Variants in EFCAB5 observed in about 807,000 individuals in gnomAD.
EFCAB5 encodes EF-hand calcium-binding domain-containing protein 5.
In EFCAB5, 131 loss-of-function variants were observed where a neutral mutation model predicts 167.9. The ratio of observed to expected loss-of-function variants is 0.78; its 90% CI spans 0.68 to 0.90. The LOEUF (loss-of-function observed/expected upper bound fraction) is 0.90, where lower values mean the gene tolerates loss of function less well. EFCAB5 is among the 40% of genes least tolerant of loss of function. The pLI is 0.00. For synonymous variants in EFCAB5, 574 were observed against 602.8 expected (o/e 0.95, Z 0.70); for missense variants, 1,663 against 1,745.2 (o/e 0.95, Z 0.84).
At position 30,071,148 on chromosome 17, in the gene EFCAB5, A is replaced by C. The variant is rs534128784; in HGVS notation, c.2738-7067A>C. ...AAATTAGACAAGCGGGATTCTATCAAACTTTTAAAAAGCTTCTGCAGTGCA... is the reference window on the plus strand; with the variant it reads ...AAATTAGACAAGCGGGATTCTATCACACTTTTAAAAAGCTTCTGCAGTGCA... On this transcript the variant is annotated intron_variant, in intron 14 of 22. Transcript: ENST00000394835. 1.2e-4 allele frequency among the ~76,000 whole-genome samples: 18 copies of C among 150,536 alleles called. 1 individual carries two copies. In the South Asian group the frequency reaches 3.8e-3, roughly 32 times the overall value.
chr17:30,054,673 C>G (rs2070202687), intron 10 of EFCAB5, among the ~76,000 whole-genome samples: 1 of 152,156 alleles, frequency 6.6e-6, no homozygotes, highest in Non-Finnish European at 1.5e-5. Flanking sequence ...GTTTTGCTTT[C>G]CACAGTTTCA....
chr17:30,090,337 A>G, intron 19 of EFCAB5, 84 bp from the exon 20 acceptor site: 1 of 1,515,380 alleles, frequency 6.6e-7, no homozygotes, highest in Non-Finnish European at 8.9e-7. Context: ...GGTAGGCACA[A>G]GAGAGTAATT....
chr17:30,072,674 A>G (rs562017885), intron 14 of EFCAB5, among the ~76,000 whole-genome samples: 5 of 152,278 alleles, frequency 3.3e-5, no homozygotes, highest in Non-Finnish European at 5.9e-5. Flanking sequence ...CAGGTTATTC[A>G]TCTTTGTCAG....
chr17:29,982,162 G>A (rs2068189771), intron 4 of EFCAB5, among the ~76,000 whole-genome samples: 1 of 152,164 alleles, frequency 6.6e-6, no homozygotes, highest in Non-Finnish European at 1.5e-5. Flanking sequence ...GGCTGGGCAC[G>A]GTGGCTCATG....
chr17:29,937,629 C>T (rs2067256658), upstream of EFCAB5, among the ~76,000 whole-genome samples: 1 of 152,188 alleles, frequency 6.6e-6, no homozygotes, highest in Admixed American at 6.5e-5. Context: ...AAGGCTTCCA[C>T]TTGGCCCTTC....
chr17:30,042,629 A>G (rs2069806315), intron 8 of EFCAB5, among the ~76,000 whole-genome samples: 1 of 152,210 alleles, frequency 6.6e-6, no homozygotes, highest in African/African-American at 2.4e-5. Flanking sequence ...TGTATAAAGA[A>G]GTATAATTAA....
intron 7 of EFCAB5, among the ~76,000 whole-genome samples, chr17:30,028,335 A>T (rs1007825141): frequency 2.0e-5 from 3 of 152,106 alleles, no homozygotes; most frequent in Non-Finnish European, 2.9e-5. Context: ...TCTTACAATG[A>T]TATTTATCTG....
intron 7 of EFCAB5, among the ~76,000 whole-genome samples, chr17:30,005,587 G>A (rs936940568): frequency 1.3e-5 from 2 of 151,970 alleles, no homozygotes; most frequent in African/African-American, 4.8e-5. Flanking sequence ...ATAATCCTAA[G>A]CCTTCTGCTG....
At chr17:30,056,194 C>A in intron 12 of EFCAB5, 38 bp downstream of exon 12, 1 of 1,532,740 alleles carries the variant, frequency 6.5e-7, no homozygotes, top group South Asian at 1.2e-5. Context: ...AGATGGCAGT[C>A]CAATAGATGG....
upstream of EFCAB5, among the ~76,000 whole-genome samples, chr17:29,940,639 T>A (rs1455778514): frequency 6.6e-6 from 1 of 152,162 alleles, no homozygotes; most frequent in East Asian, 1.9e-4. Context: ...ATTTATTAAG[T>A]GAGTCAAAAA....
Position 29,993,202 on chromosome 17 carries a change from A to C in EFCAB5, c.805A>C (p.Lys269Gln). ...KMKENVKQNR[K>Q]QRESIDKIIV... Reference sequence around the variant, plus strand: ...GAAGGAGAATGTTAAACAGAATAGAAAACAAAGAGAAAGCATAGACAAAAT... The same window carrying C: ...GAAGGAGAATGTTAAACAGAATAGACAACAAAGAGAAAGCATAGACAAAAT... Residue 269 changes from lysine (K) to glutamine (Q), a missense_variant, in exon 5 of 23, where the codon AAA becomes CAA. Coordinates refer to ENST00000394835, the MANE Select transcript of EFCAB5 (RefSeq NM_198529.4). 2 of 1,613,336 alleles carry C rather than the reference A, an allele frequency of 1.2e-6. No individual in the cohort carries two copies. The highest frequency in any genetic ancestry group is 1.7e-6 in the Non-Finnish European group (2 of 1,179,592).
intron 1 of EFCAB5, among the ~76,000 whole-genome samples, chr17:29,932,735 G>A (rs2067212614): frequency 6.6e-6 from 1 of 152,120 alleles, no homozygotes; most frequent in Admixed American, 6.6e-5. Context: ...TGGGATTACA[G>A]GTGTGAGCCC....
chr17:29,991,577 A>C (rs2068420396), intron 4 of EFCAB5, among the ~76,000 whole-genome samples: 1 of 152,264 alleles, frequency 6.6e-6, no homozygotes. Context: ...TGGCTTAGGA[A>C]TGCCTTAAGC....
intron 14 of EFCAB5, among the ~76,000 whole-genome samples, chr17:30,070,971 A>G (rs1396668954): frequency 6.7e-6 from 1 of 149,728 alleles, no homozygotes; most frequent in African/African-American, 2.4e-5. Flanking sequence ...AAAAAAAAAA[A>G]AAAAAAATTC....
intron 4 of EFCAB5, among the ~76,000 whole-genome samples, chr17:29,973,501 A>T (rs1191001296): frequency 1.5e-5 from 2 of 132,892 alleles, no homozygotes; most frequent in Non-Finnish European, 3.1e-5. Context: ...TTTTTTTGAG[A>T]CAGAGACTTG....
chr17:29,960,483 T>C (rs916448406), intron 3 of EFCAB5, among the ~76,000 whole-genome samples: 1 of 152,168 alleles, frequency 6.6e-6, no homozygotes, highest in Non-Finnish European at 1.5e-5. Context: ...GATGTGCAGG[T>C]TTGTTACATA....
chr17:29,969,265 A>G lies in EFCAB5; in HGVS notation c.665A>G (p.Asn222Ser), dbSNP rs769795347. 8 of 1,613,748 alleles carry G rather than the reference A, an allele frequency of 5.0e-6. No individual in the cohort carries two copies. Among genetic ancestry groups the G allele is most frequent in the Non-Finnish European group, 6.8e-6 (8 of 1,179,772 alleles). Residue 222 changes from asparagine to serine, a missense_variant, in exon 4 of 23, where the codon AAT becomes AGT. Asn to Ser is a conservative substitution (Grantham distance 46). Coordinates refer to ENST00000394835, the MANE Select transcript of EFCAB5 (RefSeq NM_198529.4). ...TTGGGGGAATATTTAATAAGAAACA[A>G]TCCTAATTATATCAAAGACCCAGGA... ...NYLGEYLIRN[N>S]PNYIKDPGMS...
chr17:30,076,305 A>G (rs1304053027), intron 14 of EFCAB5, among the ~76,000 whole-genome samples: 1 of 152,234 alleles, frequency 6.6e-6, no homozygotes, highest in Non-Finnish European at 1.5e-5. Flanking sequence ...TAAACCAACC[A>G]CTCTGGCTAA....
At position 30,054,134 on chromosome 17, in the gene EFCAB5, A is replaced by G; in HGVS notation, c.2180A>G (p.Lys727Arg). The G allele has an allele frequency of 6.4e-7, 1 of 1,551,504 alleles. No individual in the cohort carries two copies. The highest frequency in any genetic ancestry group is 8.7e-7 in the Non-Finnish European group (1 of 1,150,502). Residue 727 changes from lysine to arginine, a missense_variant, in exon 10 of 23, where the codon AAA becomes AGA. Physicochemically the swap from Lys to Arg is conservative, Grantham distance 26. Transcript: ENST00000394835. ...GAGGAAGTTCCAACCTTAAGCAGAA[A>G]AGATCACTTTCCAGGTAGTAATGCA... Reference protein sequence around the residue: ...LQEEVPTLSRKDHFPETTKKE... With the variant: ...LQEEVPTLSRRDHFPETTKKE...
Sources: gnomAD v4.1 joint callset for allele counts (sites outside exome capture counted in the v4.1 genomes callset) on GRCh38, gnomAD v4.1.1 for gene constraint, MANE v1.5 for transcripts, NCBI Gene and HGNC (gene_info 2026-07-23, HGNC 2026-07-21) for gene names.